TMEM232: variants seen among roughly 807,000 people sequenced by gnomAD.
TMEM232 encodes transmembrane protein 232.
Under a neutral mutation model 78.8 loss-of-function variants are expected in TMEM232, and 80 were observed. The ratio of observed to expected loss-of-function variants is 1.01; its 90% CI spans 0.85 to 1.22. The LOEUF is 1.22. Among genes scored for constraint, TMEM232 ranks in the 50% most tolerant of loss-of-function variants. TMEM232 has a pLI of 0.00. For synonymous variants in TMEM232, 297 were observed against 254.3 expected, an observed-to-expected ratio of 1.17 and a Z score of -1.60; for missense variants, 881 against 742.2, an observed-to-expected ratio of 1.19 and a Z score of -2.17.
At chr5:110,673,235 C>T (rs1561492289) in intron 1 of TMEM232, among the ~76,000 whole-genome samples, 1 of 149,946 alleles carries the variant, frequency 6.7e-6, no homozygotes, top group Non-Finnish European at 1.5e-5. Context: ...TTCTCACTCA[C>T]AGGTGGGAAC....
intron 2 of TMEM232, among the ~76,000 whole-genome samples, chr5:110,414,151 G>A (rs1756100402): frequency 6.6e-6 from 1 of 152,184 alleles, no homozygotes; most frequent in Non-Finnish European, 1.5e-5. Context: ...TCTGGTCTTT[G>A]TCAAAATCCT....
At chr5:110,389,063 C>G (rs1755085368) in intron 4 of TMEM232, among the ~76,000 whole-genome samples, 1 of 152,078 alleles carries the variant, frequency 6.6e-6, no homozygotes, top group Non-Finnish European at 1.5e-5. Flanking sequence ...GAGTTCAAGA[C>G]CGGCCTGGCC....
intron 2 of TMEM232, among the ~76,000 whole-genome samples, chr5:110,398,526 G>C (rs1305615971): frequency 6.6e-6 from 1 of 152,060 alleles, no homozygotes; most frequent in African/African-American, 2.4e-5. Flanking sequence ...GGACAGATCT[G>C]CATAGGCCAC....
At chr5:110,473,404 G>A (rs1385779388) in intron 12 of TMEM232, among the ~76,000 whole-genome samples, 1 of 151,704 alleles carries the variant, frequency 6.6e-6, no homozygotes, top group Non-Finnish European at 1.5e-5. Flanking sequence ...CAGATAAAAT[G>A]CAAAGTTATC....
chr5:110,642,752 CCTT>C (rs1786920588), intron 2 of TMEM232, among the ~76,000 whole-genome samples: 1 of 151,992 alleles, frequency 6.6e-6, no homozygotes, highest in Non-Finnish European at 1.5e-5. Context: ...AACTTTTACT[CCTT>C]CTGTGCAAGT....
At chr5:110,443,456 C>T (rs1362579825) in intron 12 of TMEM232, among the ~76,000 whole-genome samples, 5 of 152,092 alleles carry the variant, frequency 3.3e-5, no homozygotes, top group South Asian at 4.1e-4. Context: ...AATTATCCCA[C>T]GCCTAGGACT....
chr5:110,521,279 A>T (rs1249805923), intron 12 of TMEM232, among the ~76,000 whole-genome samples: 1 of 152,170 alleles, frequency 6.6e-6, no homozygotes. Flanking sequence ...AAAACTATCT[A>T]TTCAAGTTTT....
downstream of TMEM232, among the ~76,000 whole-genome samples, chr5:110,415,864 A>G (rs1474402053): frequency 6.6e-6 from 1 of 152,176 alleles, no homozygotes; most frequent in Non-Finnish European, 1.5e-5. Context: ...TTTATGAAAG[A>G]TGATTCACCC....
At chr5:110,431,901 A>G (rs1343755790) in intron 12 of TMEM232, among the ~76,000 whole-genome samples, 1 of 151,714 alleles carries the variant, frequency 6.6e-6, no homozygotes, top group African/African-American at 2.4e-5. Flanking sequence ...GAATGTTCCT[A>G]GCAGCATTGT....
chr5:110,477,433 G>A (rs949042536), intron 12 of TMEM232, among the ~76,000 whole-genome samples: 6 of 151,796 alleles, frequency 4.0e-5, no homozygotes, highest in African/African-American at 1.4e-4. Flanking sequence ...CTGAGAAGCA[G>A]TCCAGCTTTC....
intron 3 of TMEM232, among the ~76,000 whole-genome samples, chr5:110,392,651 A>C (rs1415025712): frequency 6.6e-6 from 1 of 152,168 alleles, no homozygotes; most frequent in African/African-American, 2.4e-5. Context: ...ATCTTCTTAT[A>C]AGGATATTAA....
chr5:110,394,452 C>T (rs111932468), intron 3 of TMEM232, among the ~76,000 whole-genome samples: 16 of 152,256 alleles, frequency 1.1e-4, no homozygotes, highest in African/African-American at 3.6e-4. Flanking sequence ...GATTTCCTTT[C>T]CTTTGGTTAT....
At chr5:110,701,650 T>G (rs951715498) in intron 1 of TMEM232, among the ~76,000 whole-genome samples, 4 of 152,036 alleles carry the variant, frequency 2.6e-5, no homozygotes, top group Non-Finnish European at 5.9e-5. Context: ...CAGTAAATAT[T>G]TGTTTGCCTT....
intron 8 of TMEM232, among the ~76,000 whole-genome samples, chr5:110,614,306 C>T (rs763193087): frequency 1.2e-4 from 18 of 152,072 alleles, no homozygotes; most frequent in Non-Finnish European, 1.5e-4. Context: ...TTGAATGATG[C>T]ATTGGAGAGA....
At chr5:110,594,443 C>G (rs749979804) in intron 10 of TMEM232, among the ~76,000 whole-genome samples, 7 of 152,012 alleles carry the variant, frequency 4.6e-5, no homozygotes, top group Non-Finnish European at 8.8e-5. Context: ...TGCCTGGAAC[C>G]CCAGCAAGAC....
intron 10 of TMEM232, among the ~76,000 whole-genome samples, chr5:110,592,957 C>A (rs1779706601): frequency 6.6e-6 from 1 of 152,054 alleles, no homozygotes; most frequent in South Asian, 2.1e-4. Flanking sequence ...CTGTTGCTCA[C>A]CATACAAGTA....
chr5:110,608,630 C>T (rs75660705), intron 8 of TMEM232, among the ~76,000 whole-genome samples: 2,045 of 152,104 alleles, frequency 0.013, 48 homozygotes, highest in African/African-American at 0.046. Flanking sequence ...TAGCCACCTA[C>T]GGTAGAGAAA....
intron 11 of TMEM232, among the ~76,000 whole-genome samples, chr5:110,566,244 T>G (rs1776323114): frequency 6.6e-6 from 1 of 151,958 alleles, no homozygotes; most frequent in Admixed American, 6.6e-5. Context: ...TAAAAAATTA[T>G]TCCCAGAGCT....
At chr5:110,667,911 C>A (rs2416242) in intron 1 of TMEM232, among the ~76,000 whole-genome samples, 1 of 151,846 alleles carries the variant, frequency 6.6e-6, no homozygotes, top group Non-Finnish European at 1.5e-5. Flanking sequence ...CTTGTTTTTA[C>A]GCCCAGAATG....
Sources: allele counts gnomAD v4.1 joint callset (sites outside exome capture counted in the v4.1 genomes callset), GRCh38; gene constraint gnomAD v4.1.1; transcripts MANE v1.5; gene names NCBI Gene and HGNC (gene_info 2026-07-23, HGNC 2026-07-21).